UST: variants seen among roughly 807,000 people sequenced by gnomAD.
UST encodes the protein chondroitin sulfate 2-O-sulfotransferase.
Under a neutral mutation model 45.6 loss-of-function variants are expected in UST, and 21 were observed. The ratio of observed to expected loss-of-function variants is 0.46; its 90% CI spans 0.33 to 0.66. The LOEUF is 0.66. UST is among the 30% of genes least tolerant of loss of function. The probability of loss-of-function intolerance (pLI) is 0.02; values close to 1 mark genes in which losing one functional copy is unlikely to be tolerated. For missense variants in UST, 463 were observed against 512.4 expected (o/e 0.90, Z 0.93); for synonymous variants, 215 against 200.6 (o/e 1.07, Z -0.61).
intron 1 of UST, among the ~76,000 whole-genome samples, chr6:148,868,652 C>CA (rs1429586971): frequency 6.6e-6 from 1 of 152,148 alleles, no homozygotes; most frequent in Non-Finnish European, 1.5e-5. Flanking sequence ...TTTTCAGAAT[C>CA]ATACTACAAG....
chr6:148,803,770 C>T (rs1413309399), intron 1 of UST, among the ~76,000 whole-genome samples: 1 of 152,220 alleles, frequency 6.6e-6, no homozygotes, highest in African/African-American at 2.4e-5. Flanking sequence ...CATCATTCCT[C>T]ACTTTGTTCT....
chr6:148,839,218 A>G (rs1054344433), intron 1 of UST, among the ~76,000 whole-genome samples: 5 of 152,192 alleles, frequency 3.3e-5, no homozygotes, highest in Admixed American at 1.3e-4. Context: ...CGTGTATACA[A>G]ACTGAACTTT....
chr6:148,788,877 A>G (rs1776784470), intron 1 of UST, among the ~76,000 whole-genome samples: 1 of 152,220 alleles, frequency 6.6e-6, no homozygotes, highest in Admixed American at 6.5e-5. Flanking sequence ...TGTGAGTGCC[A>G]GTTTAGTTCA....
At chr6:149,015,600 T>G (rs1272590292) in intron 5 of UST, among the ~76,000 whole-genome samples, 1 of 152,122 alleles carries the variant, frequency 6.6e-6, no homozygotes, top group Non-Finnish European at 1.5e-5. Flanking sequence ...AAACAAAAGT[T>G]TGAAATCCAT....
chr6:148,759,122 C>G (rs1240621757), intron 1 of UST, among the ~76,000 whole-genome samples: 3 of 152,168 alleles, frequency 2.0e-5, no homozygotes, highest in African/African-American at 7.2e-5. Flanking sequence ...TGATTCTCAG[C>G]TGTTTCCGTT....
At chr6:148,962,714 C>G (rs1780688445) in intron 4 of UST, among the ~76,000 whole-genome samples, 1 of 152,154 alleles carries the variant, frequency 6.6e-6, no homozygotes, top group African/African-American at 2.4e-5. Flanking sequence ...AGTGTGTGTT[C>G]CAATGTGGTA....
At chr6:148,784,267 GT>G (rs1776697930) in intron 1 of UST, among the ~76,000 whole-genome samples, 2 of 152,256 alleles carry the variant, frequency 1.3e-5, no homozygotes, top group South Asian at 4.1e-4. Flanking sequence ...TGAGCCTGAA[GT>G]TTTCTCTCTG....
chr6:149,007,030 A>C (rs936918402), intron 5 of UST, among the ~76,000 whole-genome samples: 1 of 151,994 alleles, frequency 6.6e-6, no homozygotes, highest in African/African-American at 2.4e-5. Context: ...CTGGACTTCT[A>C]TCACAAAATC....
chr6:149,012,819 A>G (rs891305330), intron 5 of UST, among the ~76,000 whole-genome samples: 18 of 152,090 alleles, frequency 1.2e-4, no homozygotes, highest in Non-Finnish European at 2.4e-4. Context: ...AAAAAAAAAA[A>G]AAAACTATCA....
intron 5 of UST, among the ~76,000 whole-genome samples, chr6:148,996,598 G>T (rs890644781): frequency 3.3e-5 from 5 of 152,182 alleles, no homozygotes; most frequent in African/African-American, 9.7e-5. Flanking sequence ...GATAAATATA[G>T]TTCTACATTT....
rs143679272 is a variant in UST at position 149,007,751 on chromosome 6, T to G, written c.682-11388T>G. Among the ~76,000 whole-genome samples, 24 of 149,210 alleles carry G rather than the reference T, an allele frequency of 1.6e-4. 1 individual carries two copies. The East Asian group carries it at 4.5e-3, about 28-fold the overall frequency. On this transcript the variant is annotated intron_variant, in intron 5 of 7. Coordinates refer to ENST00000367463, the MANE Select transcript of UST (RefSeq NM_005715.3). ...CAGGCAAACATTTAAGACAGGGGGT[T>G]TTTTTTTGGCTGTAAGAAAGAGATG...
At chr6:149,070,506 C>T (rs1327808272) in intron 7 of UST, among the ~76,000 whole-genome samples, 4 of 152,172 alleles carry the variant, frequency 2.6e-5, no homozygotes, top group East Asian at 1.9e-4. Context: ...GATCTAGGCT[C>T]CCCTGTGCAA....
chr6:148,958,825 G>A (rs941918853), intron 4 of UST, among the ~76,000 whole-genome samples: 2 of 152,144 alleles, frequency 1.3e-5, no homozygotes, highest in Non-Finnish European at 2.9e-5. Context: ...CTTTTGCAGG[G>A]AAACCCTTAA....
chr6:149,031,233 G>T (rs1026268984), intron 7 of UST, among the ~76,000 whole-genome samples: 1 of 151,270 alleles, frequency 6.6e-6, no homozygotes, highest in Non-Finnish European at 1.5e-5. Flanking sequence ...AGTCTAAGCT[G>T]AAGGCATATA....
At chr6:149,031,385 C>T (rs1321985633) in intron 7 of UST, among the ~76,000 whole-genome samples, 1 of 152,196 alleles carries the variant, frequency 6.6e-6, no homozygotes, top group Non-Finnish European at 1.5e-5. Context: ...CTGATAACAT[C>T]ATTCAGTTTA....
chr6:149,033,571 T>G (rs1485671996), intron 7 of UST, among the ~76,000 whole-genome samples: 1 of 152,218 alleles, frequency 6.6e-6, no homozygotes, highest in Non-Finnish European at 1.5e-5. Flanking sequence ...AGTAAGCACG[T>G]TCATTTCATT....
chr6:148,780,119 GTATA>G (rs1233121331), intron 1 of UST, among the ~76,000 whole-genome samples: 1 of 140,262 alleles, frequency 7.1e-6, no homozygotes, highest in Non-Finnish European at 1.6e-5. Flanking sequence ...ACATGTGTGT[GTATA>G]TATATACACA....
chr6:148,948,061 C>T lies in UST; in HGVS notation c.448-5811C>T, dbSNP rs370703789. Among the ~76,000 whole-genome samples, 5 of 152,168 alleles carry T rather than the reference C, an allele frequency of 3.3e-5. No homozygotes were observed. The East Asian group carries it at 9.6e-4, about 29-fold the overall frequency. ...TCTTTGCCTTGATCATGTCATTGCTCCCCCTGGTGGACTTCTTCTTCATTG... is the reference window on the plus strand; with the variant it reads ...TCTTTGCCTTGATCATGTCATTGCTTCCCCTGGTGGACTTCTTCTTCATTG... On this transcript the variant is annotated intron_variant, in intron 3 of 7. Transcript: ENST00000367463.
At chr6:148,791,828 G>A (rs1002219097) in intron 1 of UST, among the ~76,000 whole-genome samples, 1 of 152,152 alleles carries the variant, frequency 6.6e-6, no homozygotes, top group Non-Finnish European at 1.5e-5. Context: ...GCATTACATG[G>A]GAACTCATAT....
Sources: allele counts gnomAD v4.1 joint callset (sites outside exome capture counted in the v4.1 genomes callset), GRCh38; gene constraint gnomAD v4.1.1; transcripts MANE v1.5; gene names NCBI Gene and HGNC (gene_info 2026-07-23, HGNC 2026-07-21).